Variants in ZBTB20 observed in about 807,000 individuals in gnomAD.
ZBTB20 encodes zinc finger and BTB domain containing 20.
Under a neutral mutation model 56.9 loss-of-function variants are expected in ZBTB20, and 9 were observed. That is an observed-to-expected ratio of 0.16 (90% confidence interval 0.10 to 0.28). The LOEUF (loss-of-function observed/expected upper bound fraction) is 0.28, where lower values mean the gene tolerates loss of function less well. ZBTB20 is among the 10% of genes least tolerant of loss of function. The pLI is 1.00. For synonymous variants in ZBTB20, 417 were observed against 420.7 expected, an observed-to-expected ratio of 0.99 and a Z score of 0.11; for missense variants, 655 against 1,003.0, an observed-to-expected ratio of 0.65 and a Z score of 4.69.
chr3:115,109,880 G>T (rs191511535), intron 1 of ZBTB20, among the ~76,000 whole-genome samples: 168 of 152,296 alleles, frequency 1.1e-3, no homozygotes, highest in African/African-American at 3.4e-3. Context: ...CAAAAGCGAT[G>T]AAAGAAACAT....
At chr3:114,763,537 A>T (rs1381319452) in intron 5 of ZBTB20, among the ~76,000 whole-genome samples, 1 of 152,166 alleles carries the variant, frequency 6.6e-6, no homozygotes, top group East Asian at 1.9e-4. Flanking sequence ...AAGAATGAAA[A>T]CTTAAATTGT....
intron 7 of ZBTB20, among the ~76,000 whole-genome samples, chr3:114,422,377 C>T (rs2089260408): frequency 6.6e-6 from 1 of 152,146 alleles, no homozygotes; most frequent in Non-Finnish European, 1.5e-5. Flanking sequence ...ACTTTATGAA[C>T]ACACAGCAAG....
At chr3:114,487,975 G>A (rs2042322839) in intron 7 of ZBTB20, among the ~76,000 whole-genome samples, 1 of 152,186 alleles carries the variant, frequency 6.6e-6, no homozygotes, top group Non-Finnish European at 1.5e-5. Flanking sequence ...TTGCCAGTGT[G>A]TATTTTTCCC....
At chr3:114,960,267 AT>A (rs1305872470) in intron 3 of ZBTB20, among the ~76,000 whole-genome samples, 3 of 152,248 alleles carry the variant, frequency 2.0e-5, no homozygotes, top group Non-Finnish European at 4.4e-5. Context: ...GCACAAAACT[AT>A]GTTAGATATA....
chr3:114,718,919 T>G (rs2064707369), intron 5 of ZBTB20, among the ~76,000 whole-genome samples: 1 of 151,990 alleles, frequency 6.6e-6, no homozygotes, highest in Non-Finnish European at 1.5e-5. Context: ...ATGTATTTAT[T>G]ATTTTGTATG....
rs185185558 is a variant in ZBTB20 at position 115,107,721 on chromosome 3, T to A, written c.-702-36307A>T. The stretch of plus-strand genomic sequence containing the variant: ...ATGTTTACTGTAGCACTATTTACAA[T>A]AGCAGACATGGAACCAACCAAAATG... On this transcript the variant is annotated intron_variant, in intron 1 of 11. Transcript: ENST00000675478. Among the ~76,000 whole-genome samples the A allele has an allele frequency of 4.0e-4, 61 of 152,298 alleles. No individual in the cohort carries two copies. In the South Asian group the frequency reaches 4.1e-3, roughly 10 times the overall value.
intron 4 of ZBTB20, among the ~76,000 whole-genome samples, chr3:114,819,012 A>G (rs1370478954): frequency 6.6e-6 from 1 of 152,016 alleles, no homozygotes; most frequent in African/African-American, 2.4e-5. Flanking sequence ...GTTCAGCTTA[A>G]GATTTTCCAG....
intron 5 of ZBTB20, among the ~76,000 whole-genome samples, chr3:114,784,566 T>G (rs966222277): frequency 2.0e-5 from 3 of 152,218 alleles, no homozygotes; most frequent in African/African-American, 7.2e-5. Flanking sequence ...TATCATCTGC[T>G]GGACTCAGGG....
At chr3:114,419,862 T>A (rs2088972660) in intron 7 of ZBTB20, among the ~76,000 whole-genome samples, 1 of 152,062 alleles carries the variant, frequency 6.6e-6, no homozygotes, top group African/African-American at 2.4e-5. Flanking sequence ...ATTGGCTAAA[T>A]CTTTAAATAT....
chr3:115,048,104 G>A (rs998331165), intron 2 of ZBTB20, among the ~76,000 whole-genome samples: 1 of 151,702 alleles, frequency 6.6e-6, no homozygotes, highest in Non-Finnish European at 1.5e-5. Flanking sequence ...GGGCGCCTGT[G>A]GTCCCAGCTA....
rs770689333 is a variant in ZBTB20, at chr3:114,497,752, AT to A, written c.-255+2599del. Among the ~76,000 whole-genome samples the A allele has an allele frequency of 2.6e-5, 4 of 152,362 alleles. No individual in the cohort carries two copies. The East Asian group carries it at 7.7e-4, about 29-fold the overall frequency. On this transcript the variant is annotated intron_variant, in intron 7 of 11. Coordinates refer to ENST00000675478, the MANE Select transcript of ZBTB20 (RefSeq NM_001348800.3). ...TAACAAAAGAAAGCATTTCTTATTT[AT>A]CCCGGAGTTTCCAGAACCAAGCACA...
chr3:114,898,793 T>C (rs1345399559), intron 4 of ZBTB20, among the ~76,000 whole-genome samples: 1 of 152,086 alleles, frequency 6.6e-6, no homozygotes, highest in Admixed American at 6.6e-5. Flanking sequence ...ACACCAACTC[T>C]AAGACCAGAT....
In ZBTB20 at chr3:115,142,219, A is replaced by G. The variant is rs541538761; in HGVS notation, c.-703+5000T>C. Reference sequence around the variant, plus strand: ...GACTGGAATTATTTATCCAGTATTGATATGTCTTTATTCAAAAACTGCTCA... The same window carrying G: ...GACTGGAATTATTTATCCAGTATTGGTATGTCTTTATTCAAAAACTGCTCA... On this transcript the variant is annotated intron_variant, in intron 1 of 11. Transcript: ENST00000675478. 2.0e-5 allele frequency among the ~76,000 whole-genome samples: 3 copies of G among 152,342 alleles called. No homozygotes were observed. In the East Asian group the frequency reaches 5.8e-4, roughly 29 times the overall value.
intron 5 of ZBTB20, among the ~76,000 whole-genome samples, chr3:114,717,165 C>G (rs2064542996): frequency 6.6e-6 from 1 of 152,096 alleles, no homozygotes; most frequent in South Asian, 2.1e-4. Flanking sequence ...AACCACCTAC[C>G]TCATAGCATT....
chr3:115,063,610 CT>C lies in ZBTB20; in HGVS notation c.-507+7608del, dbSNP rs1424052771. On this transcript the variant is annotated intron_variant, in intron 2 of 11. Coordinates refer to ENST00000675478, the MANE Select transcript of ZBTB20 (RefSeq NM_001348800.3). ...CATTCAGCTCATAGCATTTAGAAAT[CT>C]GTAAGAATTTTTAGTTATCATTTCT... Among the ~76,000 whole-genome samples, 5 of 151,810 alleles carry C rather than the reference CT, an allele frequency of 3.3e-5. No individual in the cohort carries two copies. In the East Asian group the frequency reaches 9.7e-4, roughly 30 times the overall value.
chr3:114,775,489 T>A (rs2069525861), intron 5 of ZBTB20, among the ~76,000 whole-genome samples: 1 of 151,568 alleles, frequency 6.6e-6, no homozygotes, highest in African/African-American at 2.4e-5. Flanking sequence ...TTTTTCTTTC[T>A]CCTTACTCCA....
At chr3:114,379,381 C>T (rs2084040493) in intron 10 of ZBTB20, among the ~76,000 whole-genome samples, 1 of 152,162 alleles carries the variant, frequency 6.6e-6, no homozygotes, top group Admixed American at 6.5e-5. Flanking sequence ...AAAGTTATTT[C>T]ATTCCTTTCC....
intron 6 of ZBTB20, among the ~76,000 whole-genome samples, chr3:114,543,599 C>A (rs2669903): frequency 0.98 from 148,903 of 152,308 alleles, 72,875 homozygotes; most frequent in Middle Eastern, 1. Context: ...CCCTTGGCTA[C>A]TATAAACTCT....
At chr3:114,661,935 G>T (rs2060751264) in intron 6 of ZBTB20, among the ~76,000 whole-genome samples, 1 of 150,936 alleles carries the variant, frequency 6.6e-6, no homozygotes, top group Admixed American at 6.6e-5. Flanking sequence ...TTAAGTTTTA[G>T]GCTACATGTG....
Sources: gnomAD v4.1 joint callset for allele counts (sites outside exome capture counted in the v4.1 genomes callset) on GRCh38, gnomAD v4.1.1 for gene constraint, MANE v1.5 for transcripts, NCBI Gene and HGNC (gene_info 2026-07-23, HGNC 2026-07-21) for gene names.